Variants in GMDS observed in about 807,000 individuals in gnomAD.
The protein encoded by GMDS is GDP-mannose 4,6 dehydratase.
In GMDS, 20 loss-of-function variants were observed where a neutral mutation model predicts 49.9. That is an observed-to-expected ratio of 0.40 (90% CI 0.28 to 0.58). The LOEUF (loss-of-function observed/expected upper bound fraction) is 0.58, where lower values mean the gene tolerates loss of function less well. GMDS is among the 20% of genes least tolerant of loss of function. The probability of loss-of-function intolerance (pLI) is 0.42; values close to 1 mark genes in which losing one functional copy is unlikely to be tolerated. For missense variants in GMDS, 362 were observed against 481.4 expected (o/e 0.75, Z 2.32); for synonymous variants, 177 against 178.6 (o/e 0.99, Z 0.07).
At chr6:1,914,402 G>A (rs1377523367) in intron 7 of GMDS, among the ~76,000 whole-genome samples, 2 of 150,428 alleles carry the variant, frequency 1.3e-5, no homozygotes, top group African/African-American at 4.9e-5. Context: ...AGGAGGTGGA[G>A]CTTAAAGTGA....
rs531745905 is a variant in GMDS, at chr6:1,778,769, G to A, written c.772-36183C>T. Among the ~76,000 whole-genome samples, 24 of 152,152 alleles carry A rather than the reference G, an allele frequency of 1.6e-4. No homozygotes were observed. The highest frequency in any genetic ancestry group is 1.0e-3 in the South Asian group (5 of 4,808). The stretch of plus-strand genomic sequence containing the variant: ...TGCAGCTCAGACCTCAAAGCTCGTC[G>A]ACAGCAGCAGCCTGACCAGTGTGGG... On this transcript the variant is annotated intron_variant, in intron 7 of 10. Transcript: ENST00000380815. The surrounding 1 kb of genome is among the most constrained non-coding windows in gnomAD (Gnocchi z 4.6).
chr6:1,664,591 T>C (rs1764182364), intron 9 of GMDS, among the ~76,000 whole-genome samples: 1 of 152,192 alleles, frequency 6.6e-6, no homozygotes, highest in Non-Finnish European at 1.5e-5. Context: ...CTGAAAGCAA[T>C]GTGCTTTTGA....
intron 4 of GMDS, among the ~76,000 whole-genome samples, chr6:1,965,988 T>C (rs1764238675): frequency 6.6e-6 from 1 of 152,216 alleles, no homozygotes; most frequent in Non-Finnish European, 1.5e-5. Flanking sequence ...GCTTTTGTAA[T>C]TAAGTTTTAT....
At chr6:1,657,197 T>A (rs987724075) in intron 9 of GMDS, among the ~76,000 whole-genome samples, 2 of 152,214 alleles carry the variant, frequency 1.3e-5, no homozygotes, top group Admixed American at 6.5e-5. Context: ...AAGCATGAAG[T>A]CCCTGACGAT....
intron 1 of GMDS, among the ~76,000 whole-genome samples, chr6:2,138,408 T>C (rs1042125613): frequency 1.1e-4 from 16 of 152,240 alleles, no homozygotes; most frequent in African/African-American, 3.1e-4. Context: ...CATCTTAAAC[T>C]GGCTTCCTCT....
At chr6:1,943,018 T>A (rs966340304) in intron 6 of GMDS, among the ~76,000 whole-genome samples, 7 of 152,178 alleles carry the variant, frequency 4.6e-5, no homozygotes, top group African/African-American at 1.7e-4. Flanking sequence ...CAAATGCAAA[T>A]GCAACCACAA....
At chr6:1,963,328 C>T (rs994907961) in intron 4 of GMDS, among the ~76,000 whole-genome samples, 1 of 152,190 alleles carries the variant, frequency 6.6e-6, no homozygotes, top group Non-Finnish European at 1.5e-5. Context: ...GCTGGGAATA[C>T]AGGCATGTGG....
intron 1 of GMDS, among the ~76,000 whole-genome samples, chr6:2,219,323 G>A (rs932778925): frequency 1.3e-5 from 2 of 152,172 alleles, no homozygotes; most frequent in Non-Finnish European, 2.9e-5. Context: ...GAGTCCTACA[G>A]AACCAGTTTG....
At chr6:2,095,937 G>A (rs979384818) in intron 4 of GMDS, among the ~76,000 whole-genome samples, 7 of 152,114 alleles carry the variant, frequency 4.6e-5, no homozygotes, top group Non-Finnish European at 7.4e-5. Flanking sequence ...TAAGATTTAC[G>A]TTCTGTGAAG....
At chr6:2,085,103 T>C (rs942682174) in intron 4 of GMDS, among the ~76,000 whole-genome samples, 1 of 152,196 alleles carries the variant, frequency 6.6e-6, no homozygotes, top group African/African-American at 2.4e-5. Flanking sequence ...TACAGTCCTA[T>C]TTAACCAATG....
At chr6:2,060,643 T>C (rs1240990278) in intron 4 of GMDS, among the ~76,000 whole-genome samples, 1 of 152,102 alleles carries the variant, frequency 6.6e-6, no homozygotes, top group Non-Finnish European at 1.5e-5. Flanking sequence ...TGATAAATGC[T>C]ATGGAGAAAT....
chr6:2,097,636 G>C (rs1333805684), intron 4 of GMDS, among the ~76,000 whole-genome samples: 1 of 152,064 alleles, frequency 6.6e-6, no homozygotes, highest in Non-Finnish European at 1.5e-5. Context: ...AGAATTCCAA[G>C]CAATCCATCC....
At chr6:2,051,091 A>C (rs931823517) in intron 4 of GMDS, among the ~76,000 whole-genome samples, 2 of 152,222 alleles carry the variant, frequency 1.3e-5, no homozygotes, top group African/African-American at 4.8e-5. Flanking sequence ...CATGTACCCT[A>C]GAACTTAAAA....
chr6:1,914,584 A>C (rs1761277730), intron 7 of GMDS, among the ~76,000 whole-genome samples: 1 of 152,200 alleles, frequency 6.6e-6, no homozygotes, highest in African/African-American at 2.4e-5. Context: ...AGTCTCATGA[A>C]GTCCCAATGC....
intron 4 of GMDS, among the ~76,000 whole-genome samples, chr6:2,103,171 G>A (rs897603268): frequency 2.6e-5 from 4 of 152,216 alleles, no homozygotes; most frequent in Admixed American, 2.0e-4. Context: ...TTATACCCTC[G>A]CAAACCGCAT....
chr6:1,775,441 A>C (rs1349383462), intron 7 of GMDS, among the ~76,000 whole-genome samples: 2 of 152,208 alleles, frequency 1.3e-5, no homozygotes, highest in African/African-American at 2.4e-5. Context: ...TCTTACGATA[A>C]AACACTTTAC....
chr6:1,843,326 C>A (rs1757230826), intron 7 of GMDS, among the ~76,000 whole-genome samples: 1 of 152,048 alleles, frequency 6.6e-6, no homozygotes, highest in Admixed American at 6.6e-5. Flanking sequence ...ACAAAGCAGG[C>A]CATGGCCATG....
chr6:1,817,108 T>TAC (rs3839594), intron 7 of GMDS, among the ~76,000 whole-genome samples: 47,126 of 145,924 alleles, frequency 0.32, 7,556 homozygotes, highest in Middle Eastern at 0.36. Context: ...ATTGCTCCTT[T>TAC]ACACACACAC....
intron 4 of GMDS, among the ~76,000 whole-genome samples, chr6:2,068,016 A>G (rs1289798028): frequency 1.3e-5 from 2 of 150,870 alleles, no homozygotes; most frequent in African/African-American, 2.4e-5. Flanking sequence ...AAAATCCTCA[A>G]TAAAATACTG....
Sources: allele counts gnomAD v4.1 joint callset (sites outside exome capture counted in the v4.1 genomes callset), GRCh38; gene constraint gnomAD v4.1.1; non-coding constraint Gnocchi (gnomAD v3.1); transcripts MANE v1.5; gene names NCBI Gene and HGNC (gene_info 2026-07-23, HGNC 2026-07-21).